The following ATRNL1 variants were observed in gnomAD, a reference collection of about 807,000 sequenced individuals.
ATRNL1 encodes attractin like 1, also known as attractin-like protein 1.
In ATRNL1, 95 loss-of-function variants were observed where a neutral mutation model predicts 182.7. The observed-to-expected ratio is 0.52, with a 90% CI of 0.44 to 0.62. The LOEUF (loss-of-function observed/expected upper bound fraction) is 0.62, where lower values mean the gene tolerates loss of function less well. ATRNL1 is among the 20% of genes least tolerant of loss of function. ATRNL1 has a pLI of 0.00. For missense variants in ATRNL1, 1,471 were observed against 1,679.5 expected, an observed-to-expected ratio of 0.88 and a Z score of 2.17; for synonymous variants, 576 against 568.3, an observed-to-expected ratio of 1.01 and a Z score of -0.19.
chr10:115,097,517 A>G (rs1257180849), intron 1 of ATRNL1, among the ~76,000 whole-genome samples: 3 of 152,122 alleles, frequency 2.0e-5, no homozygotes, highest in African/African-American at 7.2e-5. Flanking sequence ...GAAGCATTCT[A>G]TTTGTAGTGA....
At chr10:115,600,824 T>C (rs1169882359) in intron 26 of ATRNL1, among the ~76,000 whole-genome samples, 1 of 151,938 alleles carries the variant, frequency 6.6e-6, no homozygotes, top group Non-Finnish European at 1.5e-5. Flanking sequence ...GTTTCTCCCA[T>C]TTTTTTCTAA....
chr10:115,386,926 G>T (rs1338523819), intron 19 of ATRNL1, among the ~76,000 whole-genome samples: 1 of 147,064 alleles, frequency 6.8e-6, no homozygotes, highest in East Asian at 2.1e-4. Context: ...TTGGTTTTTT[G>T]TCCTTGCTAT....
Position 115,867,768 on chromosome 10 carries a change from C to T in ATRNL1, c.4018+19777C>T, listed in dbSNP as rs192933216. Among the ~76,000 whole-genome samples, 142 of 146,492 alleles carry T rather than the reference C, an allele frequency of 9.7e-4. 2 individuals are homozygous for T. The East Asian group carries it at 0.012, about 12-fold the overall frequency. On this transcript the variant is annotated intron_variant, in intron 28 of 28. Transcript: ENST00000355044. ...TTTTTAATTTTTTGAGACAAAGTCT[C>T]ACTCTGTCGCCCAGGCTGGAGTGCA...
chr10:115,855,858 G>C (rs541973917), intron 28 of ATRNL1, among the ~76,000 whole-genome samples: 119 of 152,202 alleles, frequency 7.8e-4, no homozygotes, highest in African/African-American at 2.7e-3. Flanking sequence ...AAACAATAAA[G>C]CAATTTATAT....
chr10:115,417,109 T>C (rs1845427400), intron 20 of ATRNL1, among the ~76,000 whole-genome samples: 1 of 152,198 alleles, frequency 6.6e-6, no homozygotes, highest in African/African-American at 2.4e-5. Context: ...GATGCATTAA[T>C]TTTGCTTCCA....
intron 25 of ATRNL1, among the ~76,000 whole-genome samples, chr10:115,536,883 G>A (rs1364789330): frequency 6.6e-6 from 1 of 152,188 alleles, no homozygotes; most frequent in Non-Finnish European, 1.5e-5. Flanking sequence ...CTACATCAAA[G>A]AGATATAATC....
intron 24 of ATRNL1, among the ~76,000 whole-genome samples, chr10:115,489,212 G>T (rs1849175393): frequency 6.6e-6 from 1 of 152,178 alleles, no homozygotes; most frequent in Admixed American, 6.5e-5. Flanking sequence ...TTGATTTGGG[G>T]TGGAGAGTTC....
At chr10:115,831,549 G>A (rs1950560554) in intron 27 of ATRNL1, among the ~76,000 whole-genome samples, 1 of 152,090 alleles carries the variant, frequency 6.6e-6, no homozygotes, top group African/African-American at 2.4e-5. Flanking sequence ...GGAGCGGAGC[G>A]TGGAAAGCAA....
intron 28 of ATRNL1, among the ~76,000 whole-genome samples, chr10:115,854,380 C>T (rs941356080): frequency 6.6e-6 from 1 of 152,174 alleles, no homozygotes; most frequent in Admixed American, 6.5e-5. Flanking sequence ...CAGGTACCCA[C>T]TTAGAATTCA....
chr10:115,821,874 G>C (rs1950307750), intron 27 of ATRNL1, among the ~76,000 whole-genome samples: 1 of 152,034 alleles, frequency 6.6e-6, no homozygotes, highest in African/African-American at 2.4e-5. Flanking sequence ...AGAGCAACAA[G>C]ACAGAAAATT....
intron 26 of ATRNL1, among the ~76,000 whole-genome samples, chr10:115,688,484 T>G (rs1268819903): frequency 6.6e-6 from 1 of 152,124 alleles, no homozygotes; most frequent in Non-Finnish European, 1.5e-5. Flanking sequence ...TTATTTTTGG[T>G]CTTTTTAGTA....
intron 1 of ATRNL1, among the ~76,000 whole-genome samples, chr10:115,101,340 T>G (rs1466695299): frequency 8.1e-5 from 12 of 148,448 alleles, no homozygotes; most frequent in Non-Finnish European, 1.2e-4. Context: ...TATCTGTAAG[T>G]TTTTTTTTTA....
At chr10:115,536,689 A>G (rs530481372) in intron 25 of ATRNL1, among the ~76,000 whole-genome samples, 1 of 152,266 alleles carries the variant, frequency 6.6e-6, no homozygotes, top group South Asian at 2.1e-4. Context: ...TGCAGAAATC[A>G]CCCGTCTTCT....
chr10:115,391,890 G>A (rs1318617500), intron 19 of ATRNL1, among the ~76,000 whole-genome samples: 2 of 151,778 alleles, frequency 1.3e-5, no homozygotes, highest in African/African-American at 4.8e-5. Context: ...CTCATTGTAT[G>A]ATACTATTTT....
chr10:115,461,728 A>C (rs1002678835), intron 21 of ATRNL1, among the ~76,000 whole-genome samples: 3 of 152,060 alleles, frequency 2.0e-5, no homozygotes, highest in South Asian at 2.1e-4. Context: ...ATAATAAATA[A>C]AATTTTTAAG....
chr10:115,686,712 A>G (rs1946229725), intron 26 of ATRNL1, among the ~76,000 whole-genome samples: 1 of 152,028 alleles, frequency 6.6e-6, no homozygotes, highest in Non-Finnish European at 1.5e-5. Context: ...CAAATGGGTC[A>G]TTTAATTCAT....
rs1854736577 is a variant in ATRNL1 at position 115,324,016 on chromosome 10, A to G, written c.3037+8280A>G. Among the ~76,000 whole-genome samples, 4 of 151,770 alleles carry G rather than the reference A, an allele frequency of 2.6e-5. No homozygotes were observed. The South Asian group carries it at 8.3e-4, about 32-fold the overall frequency. Reference sequence around the variant, plus strand: ...ATGGTCTCGATCTCCTGACCTCGTGATCTGCCCGCCTTGGCCTCCCAAAGT... The same window carrying G: ...ATGGTCTCGATCTCCTGACCTCGTGGTCTGCCCGCCTTGGCCTCCCAAAGT... On this transcript the variant is annotated intron_variant, in intron 18 of 28. Transcript: ENST00000355044.
intron 27 of ATRNL1, among the ~76,000 whole-genome samples, chr10:115,745,346 C>T (rs1555068893): frequency 1.1e-4 from 17 of 152,090 alleles, no homozygotes; most frequent in Non-Finnish European, 1.5e-5. Context: ...CATTGTATAT[C>T]CACCACAGTT....
In ATRNL1 at chr10:115,581,441, T is replaced by G. The variant is rs560344299; in HGVS notation, c.3795+31905T>G. On this transcript the variant is annotated intron_variant, in intron 26 of 28. Transcript: ENST00000355044. ...AGGAAGAGGATCTGTGGGAAATTCCTGCACTCTCATTTGAACTACACACTC... is the reference window on the plus strand; with the variant it reads ...AGGAAGAGGATCTGTGGGAAATTCCGGCACTCTCATTTGAACTACACACTC... Among the ~76,000 whole-genome samples, 56 of 152,236 alleles carry G rather than the reference T, an allele frequency of 3.7e-4. No individual in the cohort carries two copies. The South Asian group carries it at 6.2e-3, about 17-fold the overall frequency.
Sources: gnomAD v4.1 joint callset for allele counts (sites outside exome capture counted in the v4.1 genomes callset) on GRCh38, gnomAD v4.1.1 for gene constraint, MANE v1.5 for transcripts, NCBI Gene and HGNC (gene_info 2026-07-23, HGNC 2026-07-21) for gene names.